Variants in CEP43 observed in about 807,000 individuals in gnomAD.
CEP43 encodes centrosomal protein 43.
CEP43 carries 36 observed loss-of-function variants against 52.6 expected under a neutral mutation model. That is an observed-to-expected ratio of 0.68 (90% CI 0.52 to 0.90). The LOEUF (loss-of-function observed/expected upper bound fraction) is 0.90. Among genes scored for constraint, CEP43 ranks in the 40% least tolerant of loss-of-function variants. The pLI is 0.00. For synonymous variants in CEP43, 192 were observed against 172.4 expected (o/e 1.11, Z -0.89); for missense variants, 506 against 472.8 (o/e 1.07, Z -0.65).
rs1407804483 is a variant in CEP43, at chr6:166,999,419, G to C, written c.7G>C (p.Ala3Pro). Residue 3 changes from alanine to proline, a missense_variant, in exon 1 of 13, where the codon GCG becomes CCG. By Grantham distance (27) the Ala-to-Pro change is conservative (BLOSUM62 -1). Transcript: ENST00000366847. The part of the protein sequence containing the change: MA[A>P]TAAAVVAEED... ...GTTGTCTTGGAGAAGCAAGATGGCG[G>C]CGACGGCGGCCGCAGTGGTGGCCGA... is the stretch of plus-strand genomic sequence containing the variant. 17 of 1,475,086 alleles carry C rather than the reference G, an allele frequency of 1.2e-5. No homozygotes were observed. The South Asian group carries it at 2.2e-4, about 20-fold the overall frequency. The allele number at this position is 1,475,086 out of a possible 1,614,324, so 91.4% of individuals were successfully genotyped here.
chr6:167,003,167 CA>C (rs1779775859), intron 2 of CEP43, 25 bp from the exon 3 acceptor site: 2 of 1,058,756 alleles, frequency 1.9e-6, no homozygotes, highest in Admixed American at 4.9e-5. Context: ...AAACACATGA[CA>C]CTTAAATTTT....
rs953683158 is a variant in CEP43 at position 167,010,244 on chromosome 6, C to G, written c.439-569C>G. Among the ~76,000 whole-genome samples, 4 of 152,094 alleles carry G rather than the reference C, an allele frequency of 2.6e-5. No individual in the cohort carries two copies. The South Asian group carries it at 8.3e-4, about 32-fold the overall frequency. On this transcript the variant is annotated intron_variant, in intron 5 of 12. Transcript: ENST00000366847. ...TGGCATTAACCACAGTGCTCAGAACCCTGTGGTGACAGGGCACTGGGCAGC... is the reference window on the plus strand; with the variant it reads ...TGGCATTAACCACAGTGCTCAGAACGCTGTGGTGACAGGGCACTGGGCAGC...
Position 167,045,351 on chromosome 6 carries a change from C to A in CEP43, c.*5373C>A, listed in dbSNP as rs1312071421. On this transcript the variant is annotated 3_prime_UTR_variant, in exon 13 of 13. Transcript: ENST00000366847. ...ACTCCTGACCTATGGTGATCCGCAC[C>A]CCTCCCCGCCCCCCCCGCGGCCCAG... 7.6e-6 allele frequency: 1 copy of A among 131,018 alleles called. No homozygotes were observed. The highest frequency in any genetic ancestry group is 1.8e-5 in the Non-Finnish European group (1 of 55,596). 8.1% of individuals were successfully genotyped at this position (131,018 alleles called of 1,614,324 possible).
rs1032564079 is a variant in CEP43 at position 167,042,011 on chromosome 6, A to G, written c.*2033A>G. On this transcript the variant is annotated 3_prime_UTR_variant, in exon 13 of 13. Transcript: ENST00000366847. ...GCTAATTTTTGTATTTTTAGTAGAG[A>G]TGGGGTTTCACCATGTTGGTCAGGC... 1.3e-5 allele frequency: 6 copies of G among 452,360 alleles called. No individual in the cohort carries two copies. The highest frequency in any genetic ancestry group is 9.6e-5 in the South Asian group (1 of 10,430). The allele number at this position is 452,360 out of a possible 1,614,324, so 28.0% of individuals were successfully genotyped here. A position where few individuals can be genotyped will look rare whatever the true frequency, so the allele number is the denominator to read the frequency against.
At chr6:167,037,984 G>A (rs1780618382) in intron 12 of CEP43, among the ~76,000 whole-genome samples, 1 of 152,194 alleles carries the variant, frequency 6.6e-6, no homozygotes, top group African/African-American at 2.4e-5. Flanking sequence ...TGGGAAGGTT[G>A]GGTTCTGTCC....
intron 4 of CEP43, chr6:167,004,063 G>T (rs9459835): frequency 0.44 from 271,620 of 615,518 alleles, 61,315 homozygotes; most frequent in East Asian, 0.5. Context: ...CGATGTTAGA[G>T]TGCACCTGTT....
chr6:167,023,955 T>C (rs1170329539), intron 8 of CEP43, among the ~76,000 whole-genome samples: 3 of 152,120 alleles, frequency 2.0e-5, no homozygotes, highest in African/African-American at 7.2e-5. Flanking sequence ...GGGTGGTGGC[T>C]GGAGGGGCAG....
rs759367211 is a variant in CEP43, at chr6:167,026,589, G to A, written c.962G>A (p.Ser321Asn). 10 of 1,598,692 alleles carry A rather than the reference G, an allele frequency of 6.3e-6. No homozygotes were observed. The South Asian group carries it at 1.1e-4, about 18-fold the overall frequency. ...GTTTTGAAAGATCTGAAATTGATCA[G>A]TGATAAAATTGGATCACTTGGATTA... ...NTVLKDLKLI[S>N]DKIGSLGLGT... The change falls in exon 10 of 13, where the codon AGT (serine) becomes AAT (asparagine). Residue 321 changes from serine (S) to asparagine (N), a missense_variant. Transcript: ENST00000366847.
At position 167,041,092 on chromosome 6, in the gene CEP43, A is replaced by G. The variant is rs1410564767; in HGVS notation, c.*1114A>G. 1 of 1,038,820 alleles carries G rather than the reference A, an allele frequency of 9.6e-7. No individual in the cohort carries two copies. Among genetic ancestry groups the G allele is most frequent in the Non-Finnish European group, 1.2e-6 (1 of 862,638 alleles). The allele number at this position is 1,038,820 out of a possible 1,614,324, so 64.4% of individuals were successfully genotyped here. On this transcript the variant is annotated 3_prime_UTR_variant, in exon 13 of 13. Coordinates refer to ENST00000366847, the MANE Select transcript of CEP43 (RefSeq NM_007045.4). Reference sequence around the variant, plus strand: ...GGATTGTGCTGTTTTTGCACTTTATAATTTCAATTAAGTTGCGGCTTTTTA... The same window carrying G: ...GGATTGTGCTGTTTTTGCACTTTATGATTTCAATTAAGTTGCGGCTTTTTA...
intron 1 of CEP43, 149 bp downstream of exon 1, chr6:166,999,663 C>T (rs543932093): frequency 7.8e-6 from 4 of 510,842 alleles, no homozygotes; most frequent in East Asian, 3.5e-5. Flanking sequence ...TGGCCTCCGT[C>T]CTGCCCGCCC....
In CEP43 at chr6:167,010,502, A is replaced by T. The variant is rs1562525133; in HGVS notation, c.439-311A>T. On this transcript the variant is annotated intron_variant, in intron 5 of 12. Transcript: ENST00000366847. ...ATTACAGGATATTATTTGTCTGGAG[A>T]GTAGGGAGAAGGGAAGTGAGGAAGT... Among the ~76,000 whole-genome samples the T allele has an allele frequency of 2.0e-5, 3 of 152,310 alleles. No individual in the cohort carries two copies. In the South Asian group the frequency reaches 6.2e-4, roughly 32 times the overall value.
In CEP43 at chr6:167,013,539, A is replaced by C; in HGVS notation, c.551A>C (p.Lys184Thr). ...AGGTATAAAGGACAAGGTAAGAAGAAGACAAGCGGGCAGAAGGCTGGTGAC... is the reference window on the plus strand; with the variant it reads ...AGGTATAAAGGACAAGGTAAGAAGACGACAAGCGGGCAGAAGGCTGGTGAC... Reference protein sequence around the residue: ...IPRYKGQGKKKTSGQKAGDKK... With the variant: ...IPRYKGQGKKTTSGQKAGDKK... The change falls in exon 7 of 13, where the codon AAG becomes ACG. Residue 184 changes from lysine to threonine, a missense_variant. Transcript: ENST00000366847. The C allele has an allele frequency of 2.5e-6, 4 of 1,613,846 alleles. No individual in the cohort carries two copies. Among genetic ancestry groups the C allele is most frequent in the Non-Finnish European group, 3.4e-6 (4 of 1,179,784 alleles).
intron 12 of CEP43, among the ~76,000 whole-genome samples, chr6:167,037,969 G>A (rs1780618023): frequency 1.3e-5 from 2 of 152,228 alleles, no homozygotes. Flanking sequence ...GAGTCTAGGT[G>A]GGACTGGGAA....
At chr6:167,020,543 TG>T (rs1288421811) in intron 7 of CEP43, among the ~76,000 whole-genome samples, 1 of 152,214 alleles carries the variant, frequency 6.6e-6, no homozygotes, top group Non-Finnish European at 1.5e-5. Context: ...AGATATAATT[TG>T]ATCTGAAAAA....
chr6:167,000,209 A>G (rs1779702613), intron 2 of CEP43, 96 bp downstream of exon 2: 1 of 924,042 alleles, frequency 1.1e-6, no homozygotes, highest in Admixed American at 2.4e-5. Flanking sequence ...AGTAACATAT[A>G]GCTAGGGATA....
Position 167,042,762 on chromosome 6 carries a change from TAC to T in CEP43, c.*2785_*2786del, listed in dbSNP as rs1168375752. ...CTGTCCCTGCCCCACCACTTGCATT[TAC>T]CCCTTTTATTTTATTCATCTCAGCA... On this transcript the variant is annotated 3_prime_UTR_variant, in exon 13 of 13. Transcript: ENST00000366847. The T allele has an allele frequency of 6.6e-6, 1 of 152,174 alleles. No homozygotes were observed. The highest frequency in any genetic ancestry group is 1.5e-5 in the Non-Finnish European group (1 of 68,352). 9.4% of individuals were successfully genotyped at this position (152,174 alleles called of 1,614,324 possible). A position where few individuals can be genotyped will look rare whatever the true frequency, so the allele number is the denominator to read the frequency against.
intron 7 of CEP43, among the ~76,000 whole-genome samples, chr6:167,018,342 T>C (rs1196999822): frequency 2.0e-5 from 3 of 152,208 alleles, no homozygotes; most frequent in Admixed American, 6.6e-5. Flanking sequence ...CCATAACTTT[T>C]GTGCTTGTCC....
intron 12 of CEP43, among the ~76,000 whole-genome samples, chr6:167,038,551 A>G (rs1002679050): frequency 2.0e-5 from 3 of 152,240 alleles, no homozygotes; most frequent in African/African-American, 7.2e-5. Context: ...ATGCTCAGGT[A>G]AAGAAGTTTA....
chr6:167,000,515 T>C (rs754249366), intron 2 of CEP43, among the ~76,000 whole-genome samples: 3 of 152,216 alleles, frequency 2.0e-5, no homozygotes, highest in Non-Finnish European at 4.4e-5. Context: ...ATTTTGACAA[T>C]GAAAAAGACA....
Sources: gnomAD v4.1 joint callset for allele counts (sites outside exome capture counted in the v4.1 genomes callset) on GRCh38, gnomAD v4.1.1 for gene constraint, MANE v1.5 for transcripts, NCBI Gene and HGNC (gene_info 2026-07-23, HGNC 2026-07-21) for gene names.